The following NME8 variants were observed in gnomAD, a reference collection of about 807,000 sequenced individuals.
The protein encoded by NME8 is protein NME8.
NME8 carries 72 observed loss-of-function variants against 82.3 expected under a neutral mutation model. That is an observed-to-expected ratio of 0.87 (90% CI 0.72 to 1.06). The LOEUF is 1.06. Among genes scored for constraint, NME8 ranks in the 50% least tolerant of loss-of-function variants. The pLI, the probability that NME8 is intolerant of heterozygous loss-of-function variation, is 0.00. For missense variants in NME8, 712 were observed against 685.4 expected (o/e 1.04, Z -0.43); for synonymous variants, 267 against 228.5 (o/e 1.17, Z -1.52).
At chr7:37,882,937 A>T (rs1247903627) in intron 12 of NME8, among the ~76,000 whole-genome samples, 1 of 152,220 alleles carries the variant, frequency 6.6e-6, no homozygotes, top group Non-Finnish European at 1.5e-5. Context: ...AAGAAACTCA[A>T]TGCCGTCTTG....
intron 13 of NME8, 149 bp from the exon 14 acceptor site, chr7:37,884,996 C>T (rs1040643865): frequency 2.8e-5 from 18 of 644,806 alleles, no homozygotes; most frequent in East Asian, 5.5e-5. Flanking sequence ...AACATATCAA[C>T]GGAAAAAAAT....
chr7:37,867,588 C>T (rs1189244452), intron 10 of NME8, 114 bp from the exon 11 acceptor site: 4 of 768,980 alleles, frequency 5.2e-6, no homozygotes, highest in Non-Finnish European at 6.9e-6. Context: ...AGTAACATTC[C>T]TTTGCCCAGG....
At chr7:37,850,592 T>C in intron 4 of NME8, 37 bp from the exon 5 acceptor site, 1 of 1,548,146 alleles carries the variant, frequency 6.5e-7, no homozygotes, top group Non-Finnish European at 8.9e-7. Context: ...CCTAGATTGG[T>C]AGACTTTGTT....
At chr7:37,868,642 A>C (rs1157496932) in intron 11 of NME8, among the ~76,000 whole-genome samples, 1 of 152,104 alleles carries the variant, frequency 6.6e-6, no homozygotes, top group Admixed American at 6.6e-5. Flanking sequence ...AGAGCTGGGC[A>C]TACCAGTCTG....
rs754132765 is a variant in NME8, at chr7:37,876,897, A to G, written c.884A>G (p.Asn295Ser). 1.7e-5 allele frequency: 28 copies of G among 1,613,100 alleles called. No homozygotes were observed. In the East Asian group the frequency reaches 6.0e-4, roughly 35 times the overall value. The change falls in exon 12 of 18, where the codon AAT becomes AGT. Residue 295 changes from asparagine to serine, a missense_variant. Transcript: ENST00000199447. Reference protein sequence around the residue: ...QLCDIEEDAANVAKFMDAFFP... With the variant: ...QLCDIEEDAASVAKFMDAFFP... ...TGTGACATTGAAGAGGATGCAGCTAATGTTGCTAAGTTCATGGATGCTTTC... is the reference window on the plus strand; with the variant it reads ...TGTGACATTGAAGAGGATGCAGCTAGTGTTGCTAAGTTCATGGATGCTTTC...
intron 8 of NME8, 134 bp from the exon 9 acceptor site, chr7:37,864,214 G>GT: frequency 9.0e-7 from 1 of 1,106,440 alleles, no homozygotes; most frequent in Admixed American, 2.2e-5. Context: ...AAATGCCGTA[G>GT]TAAGATACAC....
At chr7:37,875,960 C>A (rs1191013624) in intron 11 of NME8, among the ~76,000 whole-genome samples, 1 of 152,094 alleles carries the variant, frequency 6.6e-6, no homozygotes, top group Non-Finnish European at 1.5e-5. Flanking sequence ...ATAATCCCAG[C>A]ACTTTGGGAG....
intron 14 of NME8, among the ~76,000 whole-genome samples, chr7:37,885,543 C>T (rs892755529): frequency 4.6e-5 from 7 of 152,314 alleles, no homozygotes; most frequent in South Asian, 4.1e-4. Flanking sequence ...CCACCCTACC[C>T]GCTATTTAGG....
intron 12 of NME8, among the ~76,000 whole-genome samples, chr7:37,879,333 GA>G (rs1438807930): frequency 1.3e-5 from 2 of 152,022 alleles, no homozygotes; most frequent in Non-Finnish European, 2.9e-5. Flanking sequence ...TTTTAGTAGA[GA>G]GGGGGTTTCC....
chr7:37,850,178 T>A (rs1784418411), intron 2 of NME8, 82 bp from the exon 3 acceptor site: 2 of 1,076,930 alleles, frequency 1.9e-6, no homozygotes, highest in Non-Finnish European at 2.9e-6. Context: ...AAAATTGTTT[T>A]AAAAGATGTT....
At chr7:37,882,510 TAAAG>T (rs1784962200) in intron 12 of NME8, among the ~76,000 whole-genome samples, 1 of 93,176 alleles carries the variant, frequency 1.1e-5, no homozygotes, top group Non-Finnish European at 2.2e-5. Context: ...AGAAAAGAAA[TAAAG>T]GAAGGAAGGA....
chr7:37,879,289 C>T (rs1441558057), intron 12 of NME8, among the ~76,000 whole-genome samples: 1 of 152,136 alleles, frequency 6.6e-6, no homozygotes, highest in Non-Finnish European at 1.5e-5. Flanking sequence ...GCTGTGATTA[C>T]AGGTGTGCCA....
At position 37,876,918 on chromosome 7, in the gene NME8, C is replaced by T; in HGVS notation, c.905C>T (p.Ala302Val). Reference sequence around the variant, plus strand: ...GCTAATGTTGCTAAGTTCATGGATGCTTTCTTCCCCGATTTTAAAAAAATG... The same window carrying T: ...GCTAATGTTGCTAAGTTCATGGATGTTTTCTTCCCCGATTTTAAAAAAATG... ...DAANVAKFMD[A>V]FFPDFKKMKS... Residue 302 changes from alanine (A) to valine (V), a missense_variant, in exon 12 of 18, where the codon GCT becomes GTT. Physicochemically the swap from Ala to Val is moderately conservative, Grantham distance 64. Coordinates refer to ENST00000199447, the MANE Select transcript of NME8 (RefSeq NM_016616.5). 6.2e-7 allele frequency: 1 copy of T among 1,612,510 alleles called. No individual in the cohort carries two copies. Among genetic ancestry groups the T allele is most frequent in the East Asian group, 2.2e-5 (1 of 44,686 alleles).
chr7:37,887,156 A>T (rs2722366), intron 14 of NME8, among the ~76,000 whole-genome samples: 2 of 152,032 alleles, frequency 1.3e-5, no homozygotes, highest in Admixed American at 1.3e-4. Flanking sequence ...AATACCAAAG[A>T]GCAACAACTG....
chr7:37,857,934 C>T (rs575595208), intron 6 of NME8, among the ~76,000 whole-genome samples: 42 of 152,232 alleles, frequency 2.8e-4, no homozygotes, highest in African/African-American at 9.1e-4. Context: ...TAGTGGCTAA[C>T]GCCTGTAATC....
At chr7:37,885,587 G>A (rs1188630784) in intron 14 of NME8, among the ~76,000 whole-genome samples, 1 of 152,202 alleles carries the variant, frequency 6.6e-6, no homozygotes, top group African/African-American at 2.4e-5. Context: ...GGTGGCAGCT[G>A]TAGCTTCTTT....
intron 6 of NME8, 36 bp from the exon 7 acceptor site, chr7:37,861,992 A>G (rs1784603184): frequency 7.4e-7 from 1 of 1,352,928 alleles, no homozygotes; most frequent in South Asian, 1.2e-5. Flanking sequence ...TGTTCTCCAA[A>G]TGAAAGTTCC....
chr7:37,893,870 GCTGT>G (rs1200878260), intron 15 of NME8, among the ~76,000 whole-genome samples: 1 of 152,078 alleles, frequency 6.6e-6, no homozygotes, highest in East Asian at 1.9e-4. Flanking sequence ...CCTTCTCCAG[GCTGT>G]CTGTTGGTTA....
intron 2 of NME8, among the ~76,000 whole-genome samples, chr7:37,849,591 G>A (rs1364649821): frequency 1.3e-5 from 2 of 152,124 alleles, no homozygotes; most frequent in Non-Finnish European, 2.9e-5. Flanking sequence ...GATGTTATTT[G>A]CAGTTAGAAA....
Sources: allele counts gnomAD v4.1 joint callset (sites outside exome capture counted in the v4.1 genomes callset), GRCh38; gene constraint gnomAD v4.1.1; transcripts MANE v1.5; gene names NCBI Gene and HGNC (gene_info 2026-07-23, HGNC 2026-07-21).